Variants in AKAP7 observed in about 807,000 individuals in gnomAD.
AKAP7 encodes the protein A kinase (PRKA) anchor protein 7.
A neutral mutation model predicts 39.5 loss-of-function variants in AKAP7; 39 were observed. The ratio of observed to expected loss-of-function variants is 0.99; its 90% CI spans 0.76 to 1.29. The LOEUF is 1.29. Among genes scored for constraint, AKAP7 ranks in the 50% most tolerant of loss-of-function variants. The pLI is 0.00. For synonymous variants in AKAP7, 140 were observed against 139.1 expected, an observed-to-expected ratio of 1.01 and a Z score of -0.05; for missense variants, 414 against 407.7, an observed-to-expected ratio of 1.02 and a Z score of -0.13.
intron 7 of AKAP7, among the ~76,000 whole-genome samples, chr6:131,275,909 A>G (rs1259050380): frequency 1.3e-5 from 2 of 152,208 alleles, no homozygotes; most frequent in Non-Finnish European, 2.9e-5. Flanking sequence ...GGCTGGAATC[A>G]CCACCCCTGC....
Position 131,276,120 on chromosome 6 carries a change from A to G in AKAP7, c.851-5410A>G, listed in dbSNP as rs749825412. Among the ~76,000 whole-genome samples the G allele has an allele frequency of 2.0e-4, 31 of 152,386 alleles. No individual in the cohort carries two copies. The South Asian group carries it at 2.1e-3, about 10-fold the overall frequency. ...TGTGGGGATGTCCTTTTGTACATAC[A>G]GCAACATCATTTTCCTATTTATTCT... On this transcript the variant is annotated intron_variant, in intron 7 of 7. Coordinates refer to ENST00000431975, the MANE Select transcript of AKAP7 (RefSeq NM_016377.4).
chr6:131,248,386 G>A (rs758880642), intron 7 of AKAP7, among the ~76,000 whole-genome samples: 1 of 152,158 alleles, frequency 6.6e-6, no homozygotes, highest in Non-Finnish European at 1.5e-5. Context: ...CTATACTGAT[G>A]CTGGTGATTG....
At chr6:131,148,251 G>A (rs1202928761) in intron 2 of AKAP7, among the ~76,000 whole-genome samples, 1 of 152,150 alleles carries the variant, frequency 6.6e-6, no homozygotes, top group Non-Finnish European at 1.5e-5. Flanking sequence ...TACGCTTTTT[G>A]ATAATTCAGG....
At chr6:131,242,223 A>G (rs1272657970) in intron 7 of AKAP7, 3 of 977,262 alleles carry the variant, frequency 3.1e-6, no homozygotes, top group Non-Finnish European at 2.4e-6. Context: ...GAGTAAAGGA[A>G]GCGCAATTGA....
chr6:131,241,440 A>G (rs923426984), intron 7 of AKAP7, among the ~76,000 whole-genome samples: 7 of 152,072 alleles, frequency 4.6e-5, no homozygotes, highest in African/African-American at 1.2e-4. Context: ...CCCTACACCA[A>G]TTGGTGGTAC....
At chr6:131,128,419 T>C in the AKAP7 span, among the ~76,000 whole-genome samples, 3 of 152,174 alleles carry the variant, frequency 2.0e-5, no homozygotes, top group African/African-American at 4.8e-5. Flanking sequence ...TATAAGCATA[T>C]AGATTTGCAT....
chr6:131,223,842 A>C (rs1186061614), intron 7 of AKAP7, among the ~76,000 whole-genome samples: 1 of 152,200 alleles, frequency 6.6e-6, no homozygotes, highest in East Asian at 1.9e-4. Flanking sequence ...CTAAATTGAC[A>C]CTGGACAGTT....
At chr6:131,175,509 A>G (rs1453779155) in intron 5 of AKAP7, among the ~76,000 whole-genome samples, 2 of 152,230 alleles carry the variant, frequency 1.3e-5, no homozygotes, top group Non-Finnish European at 2.9e-5. Context: ...AAATATTGGC[A>G]GGATAAAGAG....
chr6:131,261,891 G>GTAAGT lies in AKAP7; in HGVS notation c.851-19637_851-19633dup, dbSNP rs908206315. Among the ~76,000 whole-genome samples the GTAAGT allele has an allele frequency of 6.6e-5, 10 of 152,252 alleles. No homozygotes were observed. In the South Asian group the frequency reaches 8.3e-4, roughly 13 times the overall value. On this transcript the variant is annotated intron_variant, in intron 7 of 7. Coordinates refer to ENST00000431975, the MANE Select transcript of AKAP7 (RefSeq NM_016377.4). ...GAATTTAACGTAGGGAATTAGTTAA[G>GTAAGT]TAAGTTTTGGAGGAATAAAGGGTGG...
At position 131,281,533 on chromosome 6, in the gene AKAP7, A is replaced by G; in HGVS notation, c.854A>G (p.Glu285Gly). 6.2e-7 allele frequency: 1 copy of G among 1,602,680 alleles called. No homozygotes were observed. The highest frequency in any genetic ancestry group is 8.5e-7 in the Non-Finnish European group (1 of 1,174,766). ...TCTTCTCTATTGTGGAATGTAGGTG[A>G]AAAGAACGGAGGGGAGCCCGATGAC... ...YHCESSIVIG[E>G]KNGGEPDDAE... Residue 285 changes from glutamate to glycine, a missense_variant, in exon 8 of 8, where the codon GAA (glutamate) becomes GGA (glycine). Physicochemically the swap from Glu to Gly is moderately conservative, Grantham distance 98 (BLOSUM62 -2). Transcript: ENST00000431975. The surrounding 1 kb of genome is among the most constrained non-coding windows in gnomAD (Gnocchi z 4.0).
chr6:131,245,706 A>G (rs1042767300), intron 7 of AKAP7, among the ~76,000 whole-genome samples: 3 of 152,136 alleles, frequency 2.0e-5, no homozygotes, highest in Admixed American at 2.0e-4. Context: ...AACAGTTTCC[A>G]TGAGTGGGCT....
chr6:131,266,895 AGATT>A (rs1813846286), intron 7 of AKAP7, among the ~76,000 whole-genome samples: 1 of 152,150 alleles, frequency 6.6e-6, no homozygotes, highest in African/African-American at 2.4e-5. Flanking sequence ...CTTGGTTGAC[AGATT>A]GATTAGTATT....
intron 7 of AKAP7, among the ~76,000 whole-genome samples, chr6:131,259,227 A>T (rs914184207): frequency 3.9e-5 from 6 of 152,274 alleles, no homozygotes; most frequent in Non-Finnish European, 5.9e-5. Flanking sequence ...CAGCCTTTTC[A>T]GGATTTGATT....
chr6:131,249,764 C>G (rs1812294859), intron 7 of AKAP7, among the ~76,000 whole-genome samples: 1 of 152,044 alleles, frequency 6.6e-6, no homozygotes, highest in African/African-American at 2.4e-5. Flanking sequence ...GAAAGATGCC[C>G]TAATCTTTTG....
intron 7 of AKAP7, among the ~76,000 whole-genome samples, chr6:131,239,124 AT>A (rs764038437): frequency 1.3e-5 from 2 of 152,122 alleles, no homozygotes; most frequent in Non-Finnish European, 2.9e-5. Flanking sequence ...ATCTCTCAGC[AT>A]TTGCTTGTCT....
At chr6:131,256,316 A>G (rs1026811604) in intron 7 of AKAP7, among the ~76,000 whole-genome samples, 1 of 152,216 alleles carries the variant, frequency 6.6e-6, no homozygotes, top group African/African-American at 2.4e-5. Flanking sequence ...TAGGAGGCTT[A>G]TGTTTCTAAA....
chr6:131,257,185 C>A (rs1175061321), intron 7 of AKAP7, among the ~76,000 whole-genome samples: 3 of 151,994 alleles, frequency 2.0e-5, no homozygotes, highest in African/African-American at 2.4e-5. Flanking sequence ...ATATAAATTT[C>A]TTTGCAGCAA....
rs749520764 is a variant in AKAP7, at chr6:131,282,569, G to A, written c.*843G>A. 2 of 1,535,746 alleles carry A rather than the reference G, an allele frequency of 1.3e-6. No individual in the cohort carries two copies. The highest frequency in any genetic ancestry group is 2.4e-5 in the South Asian group (2 of 84,030). ...AAGACTTATTAACAACAGTAATTCA[G>A]CAAATGACGTTGATTTCAGCACAAC... is the stretch of plus-strand genomic sequence containing the variant. On this transcript the variant is annotated 3_prime_UTR_variant, in exon 8 of 8. Transcript: ENST00000431975.
At chr6:131,249,928 C>T (rs182689225) in intron 7 of AKAP7, among the ~76,000 whole-genome samples, 9 of 151,666 alleles carry the variant, frequency 5.9e-5, no homozygotes, top group African/African-American at 1.7e-4. Context: ...TATGCCGTAC[C>T]GTACAGATAA....
Sources: gnomAD v4.1 joint callset for allele counts (sites outside exome capture counted in the v4.1 genomes callset) on GRCh38, gnomAD v4.1.1 for gene constraint, Gnocchi (gnomAD v3.1) non-coding constraint, MANE v1.5 for transcripts, NCBI Gene and HGNC (gene_info 2026-07-23, HGNC 2026-07-21) for gene names.